RHCE: variants seen among roughly 807,000 people sequenced by gnomAD.
RHCE encodes blood group Rh(CE) polypeptide.
Under a neutral mutation model 43.8 loss-of-function variants are expected in RHCE, and 22 were observed. That is an observed-to-expected ratio of 0.50 (90% CI 0.36 to 0.72). RHCE has a LOEUF of 0.72. RHCE is among the 30% of genes least tolerant of loss of function. The probability of loss-of-function intolerance (pLI) is 0.00; values close to 1 mark genes in which losing one functional copy is unlikely to be tolerated. For synonymous variants in RHCE, 156 were observed against 210.7 expected (o/e 0.74, Z 2.25); for missense variants, 385 against 525.4 (o/e 0.73, Z 2.61).
chr1:25,390,831 T>G lies in RHCE; in HGVS notation c.719A>C (p.Asn240Thr). ...SPIQRKNAMF[N>T]TYYALAVSVV... ...ACTGACTGCTAGAGCATAGTAGGTG[T>G]TGAACATGGCATTCTTCCTTTGGAT... is the stretch of plus-strand genomic sequence containing the variant. The change falls in exon 5 of 10, where the codon AAC becomes ACC. Residue 240 changes from asparagine (N) to threonine (T), a missense_variant. Physicochemically the swap from Asn to Thr is moderately conservative, Grantham distance 65. Transcript: ENST00000294413. 1 of 1,614,222 alleles carries G rather than the reference T, an allele frequency of 6.2e-7. No individual in the cohort carries two copies. Among genetic ancestry groups the G allele is most frequent in the South Asian group, 1.1e-5 (1 of 91,084 alleles).
intron 2 of RHCE, among the ~76,000 whole-genome samples, chr1:25,406,123 T>C (rs1452407221): frequency 8.1e-6 from 1 of 123,054 alleles, no homozygotes; most frequent in African/African-American, 2.5e-5. Flanking sequence ...GGCTGAAGGC[T>C]GGTGTGACCT....
upstream of RHCE, chr1:25,420,917 G>A (rs2042751812): frequency 3.2e-6 from 5 of 1,547,700 alleles, no homozygotes; most frequent in African/African-American, 2.7e-5. Flanking sequence ...TGCAAGGCTG[G>A]CTGTGCTGGC....
At chr1:25,385,428 CTA>C (rs1290818887) in intron 7 of RHCE, 6 of 484,036 alleles carry the variant, frequency 1.2e-5, no homozygotes, top group Admixed American at 5.4e-5. Context: ...TGGCTTGGGC[CTA>C]TTTGACCTGC....
At chr1:25,384,901 A>G (rs904912107) in intron 7 of RHCE, among the ~76,000 whole-genome samples, 3 of 152,226 alleles carry the variant, frequency 2.0e-5, no homozygotes, top group Non-Finnish European at 2.9e-5. Context: ...TTCTAGCACA[A>G]TGCCCAACAC....
chr1:25,417,626 G>A (rs954512324), intron 1 of RHCE, among the ~76,000 whole-genome samples: 8 of 152,042 alleles, frequency 5.3e-5, no homozygotes, highest in African/African-American at 1.9e-4. Context: ...CCTGCCTGGA[G>A]ATTGACACCA....
At chr1:25,377,248 A>G (rs906756650) in intron 7 of RHCE, among the ~76,000 whole-genome samples, 2 of 152,080 alleles carry the variant, frequency 1.3e-5, no homozygotes, top group African/African-American at 4.8e-5. Flanking sequence ...ATGACCTTGC[A>G]AATTTCTTTT....
chr1:25,423,991 T>C (rs778827478), upstream of RHCE, among the ~76,000 whole-genome samples: 6 of 152,230 alleles, frequency 3.9e-5, no homozygotes, highest in Non-Finnish European at 8.8e-5. Flanking sequence ...AACTTTATGA[T>C]GGCGCGAAAG....
intron 7 of RHCE, among the ~76,000 whole-genome samples, chr1:25,381,163 A>T (rs932746870): frequency 6.6e-6 from 1 of 152,028 alleles, no homozygotes; most frequent in African/African-American, 2.4e-5. Context: ...AACATGGGTG[A>T]CCTACGGATT....
chr1:25,387,294 G>A (rs536326574), intron 6 of RHCE, among the ~76,000 whole-genome samples: 29 of 152,266 alleles, frequency 1.9e-4, no homozygotes, highest in African/African-American at 4.8e-4. Flanking sequence ...GCTGTCAACC[G>A]TTTCCTCTGC....
intron 1 of RHCE, among the ~76,000 whole-genome samples, chr1:25,416,656 G>A (rs992759086): frequency 7.9e-5 from 12 of 151,814 alleles, no homozygotes; most frequent in African/African-American, 1.7e-4. Context: ...TTGCTCTGTC[G>A]CCCATGCTGG....
intron 1 of RHCE, among the ~76,000 whole-genome samples, chr1:25,415,653 A>C (rs1034888630): frequency 3.9e-5 from 6 of 152,258 alleles, no homozygotes; most frequent in East Asian, 3.9e-4. Flanking sequence ...TCTGTCTCAA[A>C]AAAAAAAAGC....
intron 3 of RHCE, among the ~76,000 whole-genome samples, chr1:25,392,499 G>T (rs1362992218): frequency 6.6e-6 from 1 of 151,346 alleles, no homozygotes; most frequent in Non-Finnish European, 1.5e-5. Context: ...GACCTCAGGC[G>T]ATCCACCCGC....
Position 25,362,524 on chromosome 1 carries a change from T to G in RHCE, c.*3A>C. The G allele has an allele frequency of 1.2e-6, 2 of 1,601,390 alleles. No individual in the cohort carries two copies. Among genetic ancestry groups the G allele is most frequent in the Non-Finnish European group, 1.7e-6 (2 of 1,171,156 alleles). ...AGGCCTTGTTTTTCTTGGATGCTTT[T>G]GCTTAAAATCCAACAGCCAAATGAG... On this transcript the variant is annotated 3_prime_UTR_variant, in exon 10 of 10. Coordinates refer to ENST00000294413, the MANE Select transcript of RHCE (RefSeq NM_020485.8).
chr1:25,428,983 C>T (rs2042826394), exon 2 of RHCE: 1 of 152,240 alleles, frequency 6.6e-6, no homozygotes, highest in African/African-American at 2.4e-5. Context: ...AGGGTGGGTC[C>T]CCACTGTGAC....
chr1:25,412,311 G>C (rs1347927507), intron 1 of RHCE, among the ~76,000 whole-genome samples: 1 of 152,286 alleles, frequency 6.6e-6, no homozygotes, highest in Middle Eastern at 3.4e-3. Flanking sequence ...ATAGGAGTTG[G>C]ACTTGATACT....
chr1:25,388,842 T>C lies in RHCE; in HGVS notation c.939+134A>G. The C allele has an allele frequency of 4.2e-6, 6 of 1,442,744 alleles. No individual in the cohort carries two copies. In the South Asian group the frequency reaches 7.1e-5, roughly 17 times the overall value. 89.4% of individuals were successfully genotyped at this position (1,442,744 alleles called of 1,614,324 possible). On this transcript the variant is annotated intron_variant, in intron 6 of 9. Transcript: ENST00000294413. ...CACCGAGCCAGGATGGATCCCTCGCTAGGCGTTGAAGCCAATAAGAGAATG... is the reference window on the plus strand; with the variant it reads ...CACCGAGCCAGGATGGATCCCTCGCCAGGCGTTGAAGCCAATAAGAGAATG...
Position 25,411,834 on chromosome 1 carries a change from C to T in RHCE, c.149-2965G>A, listed in dbSNP as rs182441233. 7.5e-3 allele frequency among the ~76,000 whole-genome samples: 1,150 copies of T among 152,324 alleles called. 17 individuals carry two copies. Among genetic ancestry groups the T allele is most frequent in the African/African-American group, 0.027 (1,102 of 41,560 alleles). ...GAGGCTTGTGTTCAGTTGGAGACTG[C>T]ATGCCCCACTTCAGATATGCAAATC... On this transcript the variant is annotated intron_variant, in intron 1 of 9. Transcript: ENST00000294413.
chr1:25,427,457 T>C (rs1409714288), intron 2 of RHCE, among the ~76,000 whole-genome samples: 1 of 152,186 alleles, frequency 6.6e-6, no homozygotes, highest in Non-Finnish European at 1.5e-5. Context: ...TGTGGGGAGC[T>C]GGGGCCTTCT....
At chr1:25,408,013 C>G (rs568585954) in intron 2 of RHCE, among the ~76,000 whole-genome samples, 1 of 123,732 alleles carries the variant, frequency 8.1e-6, no homozygotes, top group African/African-American at 2.5e-5. Context: ...TCAGGCTGGA[C>G]GCGGTGGCTC....
Sources: gnomAD v4.1 joint callset for allele counts (sites outside exome capture counted in the v4.1 genomes callset) on GRCh38, gnomAD v4.1.1 for gene constraint, MANE v1.5 for transcripts, NCBI Gene and HGNC (gene_info 2026-07-23, HGNC 2026-07-21) for gene names.